ARID1B: variants seen among roughly 807,000 people sequenced by gnomAD.
ARID1B encodes the protein AT-rich interactive domain-containing protein 1B.
A neutral mutation model predicts 212.3 loss-of-function variants in ARID1B; 30 were observed. The observed-to-expected ratio is 0.14, with a 90% CI of 0.11 to 0.19. The LOEUF (loss-of-function observed/expected upper bound fraction) is 0.19, where lower values mean the gene tolerates loss of function less well. Among genes scored for constraint, ARID1B ranks in the 10% least tolerant of loss-of-function variants. The probability of loss-of-function intolerance (pLI) is 1.00; values close to 1 mark genes in which losing one functional copy is unlikely to be tolerated. For synonymous variants in ARID1B, 1,402 were observed against 1,301.7 expected, an observed-to-expected ratio of 1.08 and a Z score of -1.66; for missense variants, 2,891 against 3,204.0, an observed-to-expected ratio of 0.90 and a Z score of 2.36.
intron 1 of ARID1B, among the ~76,000 whole-genome samples, chr6:156,799,736 C>T (rs1026635518): frequency 5.3e-5 from 8 of 152,132 alleles, no homozygotes; most frequent in African/African-American, 9.7e-5. Flanking sequence ...CCTCAGACTC[C>T]CAAAGTGTGA....
At chr6:156,952,934 A>C (rs924837848) in intron 4 of ARID1B, among the ~76,000 whole-genome samples, 1 of 152,140 alleles carries the variant, frequency 6.6e-6, no homozygotes, top group Non-Finnish European at 1.5e-5. Flanking sequence ...CTTCAAGAAG[A>C]CTTTAGCTCC....
At chr6:157,175,261 C>T (rs935098042) in intron 11 of ARID1B, 12 of 216,252 alleles carry the variant, frequency 5.5e-5, no homozygotes, top group African/African-American at 1.1e-4. Context: ...ACAAAGCATG[C>T]GAGTGTGTTA....
chr6:157,030,233 A>G (rs1780943691), intron 4 of ARID1B: 1 of 152,316 alleles, frequency 6.6e-6, no homozygotes, highest in African/African-American at 2.4e-5. Flanking sequence ...TAACAGGACC[A>G]TGTGTTATCA....
intron 4 of ARID1B, among the ~76,000 whole-genome samples, chr6:157,039,666 C>CTTCCTTCTTTCTTTCTTTCT (rs1781627819): frequency 4.0e-5 from 2 of 49,384 alleles, no homozygotes; most frequent in Non-Finnish European, 7.1e-5. Context: ...TCCTTCCTTC[C>CTTCCTTCTTTCTTTCTTTCT]TTCCTTCCTT....
chr6:156,784,749 C>A lies in ARID1B; in HGVS notation c.1791+5278C>A, dbSNP rs557439014. ...GGAGTAATTCTAAGAAAATTCTTTCCTTACATTTAGTTATTTGTTTTTCTT... is the reference window on the plus strand; with the variant it reads ...GGAGTAATTCTAAGAAAATTCTTTCATTACATTTAGTTATTTGTTTTTCTT... On this transcript the variant is annotated intron_variant, in intron 1 of 19. Transcript: ENST00000636930. 1.2e-4 allele frequency among the ~76,000 whole-genome samples: 18 copies of A among 152,002 alleles called. No individual in the cohort carries two copies. In the East Asian group the frequency reaches 3.5e-3, roughly 29 times the overall value.
Position 156,990,296 on chromosome 6 carries a change from T to C in ARID1B, c.2247+54720T>C, listed in dbSNP as rs114647883. ...CAAGCGATTCTCCCACCTCAGCCTC[T>C]TGAGTAGGTAGGGCTGCAGGCACAC... On this transcript the variant is annotated intron_variant, in intron 4 of 19. Coordinates refer to ENST00000636930, the MANE Select transcript of ARID1B (RefSeq NM_001374828.1). 9.2e-3 allele frequency among the ~76,000 whole-genome samples: 1,403 copies of C among 151,828 alleles called. 18 individuals carry two copies. Among genetic ancestry groups the C allele is most frequent in the African/African-American group, 0.031 (1,293 of 41,428 alleles).
At chr6:157,179,053 A>G (rs1017697468) in intron 11 of ARID1B, among the ~76,000 whole-genome samples, 1 of 152,256 alleles carries the variant, frequency 6.6e-6, no homozygotes, top group African/African-American at 2.4e-5. Flanking sequence ...TACAAATAAA[A>G]TGCAAGAGGG....
intron 6 of ARID1B, among the ~76,000 whole-genome samples, chr6:157,113,439 A>C (rs1787083076): frequency 6.6e-6 from 1 of 152,222 alleles, no homozygotes. Context: ...GCTGTGCAGC[A>C]GGCATGGCTG....
chr6:156,835,440 A>G (rs1038038373), intron 2 of ARID1B, among the ~76,000 whole-genome samples: 45 of 152,170 alleles, frequency 3.0e-4, no homozygotes, highest in African/African-American at 1.0e-3. Flanking sequence ...GAAAAGTGAG[A>G]GAAGATCAGA....
chr6:156,946,202 C>T (rs1041354489), intron 4 of ARID1B, among the ~76,000 whole-genome samples: 7 of 103,762 alleles, frequency 6.7e-5, no homozygotes, highest in African/African-American at 1.5e-4. Context: ...ACTAAAAATA[C>T]GAAAAAAAAA....
chr6:157,094,116 A>G lies in ARID1B; in HGVS notation c.2491+9211A>G, dbSNP rs888050723. Among the ~76,000 whole-genome samples the G allele has an allele frequency of 9.9e-5, 15 of 152,190 alleles. No homozygotes were observed. Among genetic ancestry groups the G allele is most frequent in the African/African-American group, 3.6e-4 (15 of 41,448 alleles). On this transcript the variant is annotated intron_variant, in intron 5 of 19. Coordinates refer to ENST00000636930, the MANE Select transcript of ARID1B (RefSeq NM_001374828.1). The surrounding 1 kb of genome is among the most constrained non-coding windows in gnomAD (Gnocchi z 4.3). ...TCTTAGAAGCTGATATTTGAACAAG[A>G]GAAGTGAAAGAAGGGCAGGGGCAAG...
At chr6:157,058,338 C>G (rs948485291) in intron 4 of ARID1B, among the ~76,000 whole-genome samples, 2 of 150,652 alleles carry the variant, frequency 1.3e-5, no homozygotes, top group Non-Finnish European at 2.9e-5. Context: ...GATCTTGGCT[C>G]ACTGCAGCCT....
chr6:157,194,671 A>G (rs557679646), intron 15 of ARID1B: 1 of 152,314 alleles, frequency 6.6e-6, no homozygotes, highest in South Asian at 2.1e-4. Context: ...TAACTCCTTA[A>G]TAATTTTTTT....
intron 4 of ARID1B, among the ~76,000 whole-genome samples, chr6:156,973,160 T>G (rs1777033808): frequency 6.6e-6 from 1 of 152,244 alleles, no homozygotes; most frequent in Non-Finnish European, 1.5e-5. Context: ...AAAAACTGGC[T>G]AGTAATTAAG....
chr6:156,876,095 T>C (rs1786523324), intron 2 of ARID1B, among the ~76,000 whole-genome samples: 1 of 152,228 alleles, frequency 6.6e-6, no homozygotes, highest in Non-Finnish European at 1.5e-5. Flanking sequence ...TTTAGAGTTG[T>C]ATCTCTGGAT....
intron 3 of ARID1B, among the ~76,000 whole-genome samples, chr6:156,909,051 T>G (rs1482320611): frequency 1.3e-5 from 2 of 152,068 alleles, no homozygotes; most frequent in East Asian, 3.8e-4. Flanking sequence ...CACAGATACA[T>G]TTCTTCTCAA....
chr6:156,795,374 C>G (rs1184213576), intron 1 of ARID1B, among the ~76,000 whole-genome samples: 2 of 152,114 alleles, frequency 1.3e-5, no homozygotes, highest in African/African-American at 4.8e-5. Flanking sequence ...AAGGGGAAAT[C>G]CAGGCAGCCG....
chr6:156,823,705 T>G (rs1782549611), intron 1 of ARID1B, among the ~76,000 whole-genome samples: 2 of 150,240 alleles, frequency 1.3e-5, no homozygotes, highest in African/African-American at 2.4e-5. Context: ...TTTTTTTTTT[T>G]GTGAAGTGTT....
At chr6:156,816,418 A>G (rs1234390169) in intron 1 of ARID1B, among the ~76,000 whole-genome samples, 3 of 152,226 alleles carry the variant, frequency 2.0e-5, no homozygotes, top group Non-Finnish European at 1.5e-5. Context: ...TAATAGCAAT[A>G]ATGGTTGTCC....
Sources: gnomAD v4.1 joint callset for allele counts (sites outside exome capture counted in the v4.1 genomes callset) on GRCh38, gnomAD v4.1.1 for gene constraint, Gnocchi (gnomAD v3.1) non-coding constraint, MANE v1.5 for transcripts, NCBI Gene and HGNC (gene_info 2026-07-23, HGNC 2026-07-21) for gene names.